EYA4: variants seen among roughly 807,000 people sequenced by gnomAD.
The protein encoded by EYA4 is EYA transcriptional coactivator and phosphatase 4, also known as protein phosphatase EYA4.
A neutral mutation model predicts 87.9 loss-of-function variants in EYA4; 31 were observed. That is an observed-to-expected ratio of 0.35 (90% CI 0.27 to 0.48). The LOEUF (loss-of-function observed/expected upper bound fraction) is 0.48, where lower values mean the gene tolerates loss of function less well. Among genes scored for constraint, EYA4 ranks in the 20% least tolerant of loss-of-function variants. The pLI is 0.99. For synonymous variants in EYA4, 263 were observed against 270.6 expected (o/e 0.97, Z 0.28); for missense variants, 678 against 761.4 (o/e 0.89, Z 1.29).
intron 3 of EYA4, among the ~76,000 whole-genome samples, chr6:133,431,939 C>T (rs1791218034): frequency 9.0e-6 from 1 of 111,064 alleles, no homozygotes; most frequent in Non-Finnish European, 1.8e-5. Flanking sequence ...TAAAATAGTC[C>T]ATTTTCTTGA....
intron 2 of EYA4, among the ~76,000 whole-genome samples, chr6:133,284,289 C>T (rs1160500125): frequency 6.6e-6 from 1 of 152,096 alleles, no homozygotes; most frequent in Non-Finnish European, 1.5e-5. Flanking sequence ...CTGTCTCAGC[C>T]CCCCGAGTAG....
At chr6:133,424,699 C>T (rs1411241677) in intron 3 of EYA4, among the ~76,000 whole-genome samples, 3 of 142,406 alleles carry the variant, frequency 2.1e-5, no homozygotes. Flanking sequence ...AGTGGGAGGC[C>T]CAGGTCTGCA....
intron 5 of EYA4, among the ~76,000 whole-genome samples, chr6:133,449,747 A>G (rs1375707024): frequency 6.6e-6 from 1 of 152,242 alleles, no homozygotes; most frequent in Non-Finnish European, 1.5e-5. Context: ...TTAACAATAA[A>G]TATCAGTATG....
intron 3 of EYA4, among the ~76,000 whole-genome samples, chr6:133,417,893 C>T (rs1249835396): frequency 1.3e-5 from 2 of 152,172 alleles, no homozygotes; most frequent in South Asian, 2.1e-4. Context: ...CTTTCACTCA[C>T]CCCAAGCATG....
intron 2 of EYA4, among the ~76,000 whole-genome samples, chr6:133,365,739 C>T (rs902814848): frequency 3.3e-5 from 5 of 151,904 alleles, no homozygotes; most frequent in African/African-American, 1.2e-4. Flanking sequence ...TTGTCTGGTA[C>T]CTGGCCCTGG....
chr6:133,260,646 T>C (rs1433213711), intron 1 of EYA4, among the ~76,000 whole-genome samples: 5 of 152,228 alleles, frequency 3.3e-5, no homozygotes, highest in Admixed American at 2.0e-4. Flanking sequence ...GGTCAGTCTT[T>C]ATTTTATTTT....
chr6:133,468,961 T>C (rs1278151160), intron 11 of EYA4, among the ~76,000 whole-genome samples: 3 of 152,078 alleles, frequency 2.0e-5, no homozygotes, highest in Admixed American at 6.6e-5. Context: ...GGTGTACATA[T>C]GAATATGGAG....
intron 14 of EYA4, among the ~76,000 whole-genome samples, chr6:133,511,094 T>C (rs182506350): frequency 2.0e-5 from 3 of 152,304 alleles, no homozygotes; most frequent in Admixed American, 2.0e-4. Context: ...TCAAGTTACA[T>C]ACTCAGAAGG....
At chr6:133,516,511 G>A (rs1353717226) in intron 17 of EYA4, among the ~76,000 whole-genome samples, 1 of 150,510 alleles carries the variant, frequency 6.6e-6, no homozygotes, top group Non-Finnish European at 1.5e-5. Context: ...AGGAGATTGA[G>A]ACCACCCTAG....
rs1205497819 is a variant in EYA4 at position 133,531,182 on chromosome 6, C to T, written c.*2377C>T. On this transcript the variant is annotated 3_prime_UTR_variant, in exon 20 of 20. Transcript: ENST00000355286. Reference sequence around the variant, plus strand: ...ATCACCCCGTGCAGTTTCTCACACACATCTCTTTTTCTGATTCTGTGTTCA... The same window carrying T: ...ATCACCCCGTGCAGTTTCTCACACATATCTCTTTTTCTGATTCTGTGTTCA... 3.6e-5 allele frequency: 55 copies of T among 1,535,072 alleles called. 1 individual carries two copies. In the Admixed American group the frequency reaches 1.0e-3, roughly 29 times the overall value.
chr6:133,501,036 C>T lies in EYA4; in HGVS notation c.1192-5070C>T, dbSNP rs1432853304. Among the ~76,000 whole-genome samples the T allele has an allele frequency of 3.3e-5, 5 of 152,204 alleles. No homozygotes were observed. In the East Asian group the frequency reaches 9.7e-4, roughly 29 times the overall value. On this transcript the variant is annotated intron_variant, in intron 13 of 19. Transcript: ENST00000355286. ...TCCTTTCCCTTCCCTGGTCAGGGTC[C>T]CTCTTCTCACACACAGACTCCTCAC... is the stretch of plus-strand genomic sequence containing the variant.
chr6:133,311,586 TGAGA>T, intron 2 of EYA4, among the ~76,000 whole-genome samples: 1 of 152,262 alleles, frequency 6.6e-6, no homozygotes, highest in East Asian at 1.9e-4. Context: ...CCCAAAATGC[TGAGA>T]TTACAGGTCT....
At chr6:133,286,913 G>T (rs57965653) in intron 2 of EYA4, among the ~76,000 whole-genome samples, 7,850 of 152,074 alleles carry the variant, frequency 0.052, 486 homozygotes, top group African/African-American at 0.15. Flanking sequence ...TTGGGGAGGG[G>T]TGCTGTCCTG....
At chr6:133,513,104 C>G (rs1489341819) in intron 16 of EYA4, 66 bp downstream of exon 16, 3 of 1,442,798 alleles carry the variant, frequency 2.1e-6, no homozygotes, top group Non-Finnish European at 2.9e-6. Context: ...TCTGTAGTTT[C>G]ATGTTAAAGA....
rs188847134 is a variant in EYA4 at position 133,475,332 on chromosome 6, A to G, written c.971-6131A>G. 1.5e-3 allele frequency among the ~76,000 whole-genome samples: 231 copies of G among 152,242 alleles called. 1 individual carries two copies. Among genetic ancestry groups the G allele is most frequent in the Middle Eastern group, 3.4e-3 (1 of 294 alleles). ...GCACATGAAGATGAGAAATATTTTT[A>G]TAGCGCCTCCTTTTCAAATATTTTA... On this transcript the variant is annotated intron_variant, in intron 11 of 19. Coordinates refer to ENST00000355286, the MANE Select transcript of EYA4 (RefSeq NM_004100.5).
chr6:133,250,900 T>A (rs540860961), intron 1 of EYA4, among the ~76,000 whole-genome samples: 1 of 152,282 alleles, frequency 6.6e-6, no homozygotes, highest in Non-Finnish European at 1.5e-5. Flanking sequence ...TTTCATTAGA[T>A]TACCCCCAAA....
At chr6:133,289,865 G>A (rs1300976245) in intron 2 of EYA4, among the ~76,000 whole-genome samples, 1 of 152,178 alleles carries the variant, frequency 6.6e-6, no homozygotes, top group Non-Finnish European at 1.5e-5. Flanking sequence ...GTTTGTGTTA[G>A]CTCTCTTGGC....
At chr6:133,496,726 A>G (rs1797676084) in intron 13 of EYA4, among the ~76,000 whole-genome samples, 1 of 152,224 alleles carries the variant, frequency 6.6e-6, no homozygotes, top group Non-Finnish European at 1.5e-5. Context: ...AAATGAGATA[A>G]TGTACGTATA....
At chr6:133,489,293 T>C (rs1472443303) in intron 13 of EYA4, among the ~76,000 whole-genome samples, 1 of 152,014 alleles carries the variant, frequency 6.6e-6, no homozygotes, top group Non-Finnish European at 1.5e-5. Flanking sequence ...CTAAGAGTTA[T>C]TGGCCTTAAA....
Sources: gnomAD v4.1 joint callset for allele counts (sites outside exome capture counted in the v4.1 genomes callset) on GRCh38, gnomAD v4.1.1 for gene constraint, MANE v1.5 for transcripts, NCBI Gene and HGNC (gene_info 2026-07-23, HGNC 2026-07-21) for gene names.